Variants in NRDC observed in about 807,000 individuals in gnomAD.
The protein encoded by NRDC is nardilysin convertase.
In NRDC, 54 loss-of-function variants were observed where a neutral mutation model predicts 147.1. The observed-to-expected ratio is 0.37, with a 90% CI of 0.29 to 0.46. The LOEUF (loss-of-function observed/expected upper bound fraction) is 0.46. Among genes scored for constraint, NRDC ranks in the 20% least tolerant of loss-of-function variants. NRDC has a pLI of 1.00. For missense variants in NRDC, 1,082 were observed against 1,370.6 expected (o/e 0.79, Z 3.33); for synonymous variants, 440 against 482.1 (o/e 0.91, Z 1.14).
At chr1:51,799,992 T>C (rs545974015) in intron 21 of NRDC, among the ~76,000 whole-genome samples, 16 of 152,222 alleles carry the variant, frequency 1.1e-4, no homozygotes, top group Admixed American at 6.5e-5. Context: ...TGTTTTTCTA[T>C]GAGACAGGGT....
intron 7 of NRDC, 147 bp from the exon 8 acceptor site, chr1:51,821,702 G>A: frequency 3.4e-6 from 2 of 593,796 alleles, no homozygotes; most frequent in East Asian, 5.7e-5. Context: ...AACCAGTAAT[G>A]GATGAACAGG....
intron 1 of NRDC, among the ~76,000 whole-genome samples, chr1:51,852,641 TTTC>T (rs1419438728): frequency 1.5e-5 from 1 of 65,560 alleles, no homozygotes. Context: ...CCCGGCCACT[TTTC>T]TTATTTTCTC....
intron 21 of NRDC, chr1:51,799,043 G>T (rs1679062401): frequency 1.3e-5 from 2 of 152,014 alleles, no homozygotes; most frequent in African/African-American, 4.8e-5. Flanking sequence ...CAACAAACAG[G>T]TTTATTATTA....
At chr1:51,806,690 A>G in intron 18 of NRDC, 104 bp downstream of exon 18, 2 of 1,270,378 alleles carry the variant, frequency 1.6e-6, no homozygotes, top group Non-Finnish European at 2.2e-6. Context: ...AGCCTCCTCC[A>G]CAAAGGAAGA....
chr1:51,789,798 TTC>T, intron 29 of NRDC, 141 bp from the exon 30 acceptor site: 1 of 629,166 alleles, frequency 1.6e-6, no homozygotes, highest in Non-Finnish European at 2.8e-6. Flanking sequence ...ACCCCTAACC[TTC>T]CAGACCAAAA....
chr1:51,851,870 G>A lies in NRDC; in HGVS notation c.342-11356C>T, dbSNP rs149915872. On this transcript the variant is annotated intron_variant, in intron 1 of 30. Transcript: ENST00000352171. ...TAGATCCCCTCCAGGAACAGCAGTG[G>A]TAAAGCACTGAGGCTGCCTGGGTTG... 5.9e-5 allele frequency among the ~76,000 whole-genome samples: 9 copies of A among 152,308 alleles called. No homozygotes were observed. In the East Asian group the frequency reaches 1.7e-3, roughly 29 times the overall value.
intron 14 of NRDC, among the ~76,000 whole-genome samples, chr1:51,813,589 C>A (rs1452417556): frequency 6.6e-6 from 1 of 152,148 alleles, no homozygotes; most frequent in Non-Finnish European, 1.5e-5. Flanking sequence ...AGCCACAGTG[C>A]CCAGCCTGTG....
intron 1 of NRDC, among the ~76,000 whole-genome samples, chr1:51,852,791 CA>C (rs1682039567): frequency 6.6e-6 from 1 of 151,866 alleles, no homozygotes; most frequent in South Asian, 2.1e-4. Context: ...ATTAAAAGGG[CA>C]ATTTTATAAT....
chr1:51,826,188 A>G (rs1221265783), intron 5 of NRDC, among the ~76,000 whole-genome samples: 1 of 152,180 alleles, frequency 6.6e-6, no homozygotes, highest in Non-Finnish European at 1.5e-5. Flanking sequence ...GCCCAAATGG[A>G]CTAAAAACCG....
chr1:51,847,215 C>T (rs912331925), intron 1 of NRDC, among the ~76,000 whole-genome samples: 5 of 152,156 alleles, frequency 3.3e-5, no homozygotes, highest in Admixed American at 2.0e-4. Context: ...TCATTAACCT[C>T]GAGCTAGGCA....
chr1:51,793,418 G>T (rs1202306982), intron 24 of NRDC, among the ~76,000 whole-genome samples: 1 of 152,200 alleles, frequency 6.6e-6, no homozygotes, highest in Non-Finnish European at 1.5e-5. Flanking sequence ...GAATGCTACA[G>T]CCACAGAGGC....
intron 10 of NRDC, 58 bp downstream of exon 10, chr1:51,818,008 G>T: frequency 7.7e-7 from 1 of 1,290,780 alleles, no homozygotes; most frequent in Non-Finnish European, 1.1e-6. Context: ...CATTTAGCAT[G>T]CTTTAAAAAT....
At chr1:51,866,073 T>C (rs939205390) in intron 1 of NRDC, among the ~76,000 whole-genome samples, 3 of 149,854 alleles carry the variant, frequency 2.0e-5, no homozygotes, top group Non-Finnish European at 3.0e-5. Flanking sequence ...AAAAGAAAAA[T>C]TTCTTAAAAT....
At chr1:51,798,531 A>G in intron 21 of NRDC, 120 bp from the exon 22 acceptor site, 2 of 794,954 alleles carry the variant, frequency 2.5e-6, no homozygotes, top group South Asian at 4.3e-5. Context: ...GACCATTTTT[A>G]TCACAATGTA....
In NRDC at chr1:51,836,138, C is replaced by T. The variant is rs1447110731; in HGVS notation, c.705G>A (p.Leu235=). 4 of 1,613,804 alleles carry T rather than the reference C, an allele frequency of 2.5e-6. 1 individual carries two copies. The African/African-American group carries it at 4.0e-5, about 16-fold the overall frequency. ...TATTTTACAAATTCTTACTGTGCTCCAAAAAGTGTGCCAGCCCCGGCAGGT... is the reference window on the plus strand; with the variant it reads ...TATTTTACAAATTCTTACTGTGCTCTAAAAAGTGTGCCAGCCCCGGCAGGT... ...PDDLPGLAHF[L]EHMVFMGSLK... is the part of the protein sequence containing the mutation. The change falls in exon 3 of 31, where the codon TTG becomes TTA. Residue 235 remains leucine (L), a synonymous_variant. Transcript: ENST00000352171.
intron 20 of NRDC, among the ~76,000 whole-genome samples, chr1:51,803,244 GC>G (rs1175776338): frequency 2.0e-5 from 3 of 152,168 alleles, no homozygotes; most frequent in Non-Finnish European, 4.4e-5. Context: ...AGAGGCTGAG[GC>G]AGGCAGATCA....
chr1:51,867,953 G>A lies in NRDC; in HGVS notation c.341+10322C>T, dbSNP rs551678262. Among the ~76,000 whole-genome samples, 43 of 152,320 alleles carry A rather than the reference G, an allele frequency of 2.8e-4. No homozygotes were observed. In the South Asian group the frequency reaches 4.3e-3, roughly 15 times the overall value. On this transcript the variant is annotated intron_variant, in intron 1 of 30. Coordinates refer to ENST00000352171, the MANE Select transcript of NRDC (RefSeq NM_001101662.2). ...GGAAACAATTACAGCATATTTGTAT[G>A]CTCCCGGGGATGATCCAGTAAAAGA... is the stretch of plus-strand genomic sequence containing the variant.
At chr1:51,845,889 G>A (rs11582490) in intron 1 of NRDC, among the ~76,000 whole-genome samples, 30,330 of 151,804 alleles carry the variant, frequency 0.2, 3,986 homozygotes, top group Non-Finnish European at 0.28. Flanking sequence ...GCCTGGAGGG[G>A]ACCTGATACA....
intron 1 of NRDC, among the ~76,000 whole-genome samples, chr1:51,849,332 G>A (rs892104040): frequency 1.3e-5 from 2 of 151,656 alleles, no homozygotes; most frequent in Admixed American, 6.6e-5. Context: ...GGAGAATGGC[G>A]TGAACTCGGG....
Sources: gnomAD v4.1 joint callset for allele counts (sites outside exome capture counted in the v4.1 genomes callset) on GRCh38, gnomAD v4.1.1 for gene constraint, MANE v1.5 for transcripts, NCBI Gene and HGNC (gene_info 2026-07-23, HGNC 2026-07-21) for gene names.